PPP4R3A: variants seen among roughly 807,000 people sequenced by gnomAD.
PPP4R3A encodes serine/threonine-protein phosphatase 4 regulatory subunit 3A.
A neutral mutation model predicts 91.7 loss-of-function variants in PPP4R3A; 15 were observed. The observed-to-expected ratio is 0.16, with a 90% CI of 0.11 to 0.25. PPP4R3A has a LOEUF of 0.25. PPP4R3A is among the 10% of genes least tolerant of loss of function. PPP4R3A has a pLI of 1.00. For synonymous variants in PPP4R3A, 377 were observed against 348.7 expected (o/e 1.08, Z -0.91); for missense variants, 623 against 998.4 (o/e 0.62, Z 5.07).
At chr14:91,475,522 TA>T (rs1441852093) in intron 7 of PPP4R3A, 4 of 268,180 alleles carry the variant, frequency 1.5e-5, no homozygotes, top group Non-Finnish European at 2.9e-5. Context: ...ATTGATTGAC[TA>T]AATGATTTAA....
intron 10 of PPP4R3A, 136 bp from the exon 11 acceptor site, chr14:91,465,555 G>A (rs1364809308): frequency 1.9e-5 from 13 of 678,320 alleles, no homozygotes; most frequent in South Asian, 4.3e-5. Flanking sequence ...TTGCACTTCC[G>A]GAACTGTGAA....
At chr14:91,462,922 T>C (rs1400922627) in intron 11 of PPP4R3A, 45 bp from the exon 12 acceptor site, 3 of 1,471,178 alleles carry the variant, frequency 2.0e-6, no homozygotes, top group South Asian at 2.4e-5. Flanking sequence ...AAAATGTCAT[T>C]TTAGCAAGAT....
In PPP4R3A at chr14:91,491,687, G is replaced by A. The variant is rs148804774; in HGVS notation, c.143-885C>T. ...CCCAAAGTGCTGGGATTACAGGCGT[G>A]AGCCACCACGCCTGGCCTAGAAAAA... On this transcript the variant is annotated intron_variant, in intron 1 of 14. Transcript: ENST00000554943. 6.8e-4 allele frequency among the ~76,000 whole-genome samples: 103 copies of A among 152,248 alleles called. 2 individuals carry two copies. In the East Asian group the frequency reaches 0.016, roughly 24 times the overall value.
intron 7 of PPP4R3A, among the ~76,000 whole-genome samples, chr14:91,473,643 A>G (rs781723477): frequency 7.2e-5 from 11 of 152,242 alleles, no homozygotes; most frequent in Admixed American, 1.3e-4. Context: ...TGGTGATAAT[A>G]TATCTTTACA....
chr14:91,481,333 T>TA lies in PPP4R3A; in HGVS notation c.915+242dup, dbSNP rs560263137. 3.8e-4 allele frequency among the ~76,000 whole-genome samples: 58 copies of TA among 152,248 alleles called. 1 individual carries two copies. In the East Asian group the frequency reaches 0.01, roughly 26 times the overall value. ...GCCTGGGTGACAGAGCAAGACCCTG[T>TA]ATCCAAAAAATCATCCCCTCATACC... On this transcript the variant is annotated intron_variant, in intron 4 of 14. Coordinates refer to ENST00000554943, the MANE Select transcript of PPP4R3A (RefSeq NM_001366432.2).
intron 3 of PPP4R3A, among the ~76,000 whole-genome samples, chr14:91,484,674 G>A (rs191967668): frequency 2.6e-5 from 4 of 152,206 alleles, no homozygotes; most frequent in South Asian, 4.2e-4. Context: ...GTCTGGGGTC[G>A]GCGGGAGGGG....
At chr14:91,465,174 C>T in intron 11 of PPP4R3A, 76 bp downstream of exon 11, 1 of 1,146,978 alleles carries the variant, frequency 8.7e-7, no homozygotes, top group Non-Finnish European at 1.2e-6. Context: ...CATCTCAAGC[C>T]AAAATACTAG....
intron 1 of PPP4R3A, among the ~76,000 whole-genome samples, chr14:91,495,302 A>ATGTGTGTGTGTGTGTGTGTGTGTGTG (rs60663799): frequency 0.017 from 2,439 of 140,910 alleles, 42 homozygotes; most frequent in Non-Finnish European, 0.02. Context: ...CAGATACATA[A>ATGTGTGTGTGTGTGTGTGTGTGTGTG]TGTGTGTGTG....
intron 13 of PPP4R3A, 23 bp downstream of exon 13, chr14:91,462,026 T>C (rs1199724080): frequency 6.1e-6 from 9 of 1,482,398 alleles, no homozygotes; most frequent in Non-Finnish European, 8.1e-6. Flanking sequence ...TAATTTTCTC[T>C]TGCCCATTTT....
Position 91,482,106 on chromosome 14 carries a change from C to G in PPP4R3A, c.385G>C (p.Gly129Arg). 6.2e-7 allele frequency: 1 copy of G among 1,614,116 alleles called. No individual in the cohort carries two copies. The highest frequency in any genetic ancestry group is 8.5e-7 in the Non-Finnish European group (1 of 1,180,030). The change falls in exon 4 of 15, where the codon GGC becomes CGC. Residue 129 changes from glycine to arginine, a missense_variant. This residue lies in a region of PPP4R3A where 264 missense variants were observed against 377.3 expected (regional missense o/e 0.70). Coordinates refer to ENST00000554943, the MANE Select transcript of PPP4R3A (RefSeq NM_001366432.2). ...AATTCACAAGATGGCAATTCTAAGC[C>G]TGGCGATGACATATCATCAAAACGC... ...EERFDDMSSPGLELPSCELSR... is the reference protein window; with the variant it reads ...EERFDDMSSPRLELPSCELSR...
chr14:91,465,013 C>T (rs1347116694), intron 11 of PPP4R3A, among the ~76,000 whole-genome samples: 1 of 152,178 alleles, frequency 6.6e-6, no homozygotes, highest in East Asian at 1.9e-4. Flanking sequence ...CAGCCTGGTT[C>T]CTAACAGGCT....
chr14:91,480,445 T>C (rs1421716145), intron 4 of PPP4R3A, among the ~76,000 whole-genome samples: 4 of 152,182 alleles, frequency 2.6e-5, no homozygotes, highest in Non-Finnish European at 5.9e-5. Flanking sequence ...AACGTGGCTT[T>C]TGGTAGGGAT....
At chr14:91,484,029 C>G (rs1242919580) in intron 3 of PPP4R3A, among the ~76,000 whole-genome samples, 1 of 152,140 alleles carries the variant, frequency 6.6e-6, no homozygotes, top group Non-Finnish European at 1.5e-5. Flanking sequence ...ATAACAGATG[C>G]TATTAACATA....
At chr14:91,469,945 T>TA (rs397690711) in intron 10 of PPP4R3A, among the ~76,000 whole-genome samples, 8 of 151,630 alleles carry the variant, frequency 5.3e-5, no homozygotes, top group Middle Eastern at 3.4e-3. Flanking sequence ...TAAGGATTTT[T>TA]AAAAAATCAA....
rs556871733 is a variant in PPP4R3A at position 91,496,163 on chromosome 14, T to C, written c.143-5361A>G. ...GGCTAGCAGTTTTCTCTGGGTAGGA[T>C]AGTGACTGGGGAGGAACCTGAAGTA... is the stretch of plus-strand genomic sequence containing the variant. On this transcript the variant is annotated intron_variant, in intron 1 of 14. Transcript: ENST00000554943. Among the ~76,000 whole-genome samples the C allele has an allele frequency of 7.9e-5, 12 of 152,318 alleles. No individual in the cohort carries two copies. The South Asian group carries it at 2.3e-3, about 29-fold the overall frequency.
At chr14:91,475,654 A>G in intron 7 of PPP4R3A, 157 bp downstream of exon 7, 1 of 612,526 alleles carries the variant, frequency 1.6e-6, no homozygotes, top group Non-Finnish European at 2.7e-6. Context: ...ACAAATTGAT[A>G]AACTGAGACA....
rs1891646560 is a variant in PPP4R3A, at chr14:91,509,548, G to T, written c.100C>A (p.Arg34=). The T allele has an allele frequency of 6.3e-7, 1 of 1,599,944 alleles. No individual in the cohort carries two copies. Among genetic ancestry groups the T allele is most frequent in the Non-Finnish European group, 8.5e-7 (1 of 1,177,834 alleles). The change falls in exon 1 of 15, where the codon CGG becomes AGG. Residue 34 remains arginine (R), a synonymous_variant. Transcript: ENST00000554943. ...TGHVSSGYVE[R]LKGMSLLVRA... Reference sequence around the variant, plus strand: ...ACAAGCAGGGACATGCCCTTCAGCCGCTCCACGTAGCCAGACGACACATGC... The same window carrying T: ...ACAAGCAGGGACATGCCCTTCAGCCTCTCCACGTAGCCAGACGACACATGC...
At chr14:91,475,715 T>A in intron 7 of PPP4R3A, 96 bp downstream of exon 7, 2 of 1,260,150 alleles carry the variant, frequency 1.6e-6, no homozygotes, top group Non-Finnish European at 2.2e-6. Flanking sequence ...GCTACACTTT[T>A]CCCAAACAGC....
intron 1 of PPP4R3A, among the ~76,000 whole-genome samples, chr14:91,509,041 C>CA (rs1424710237): frequency 6.6e-6 from 1 of 152,008 alleles, no homozygotes; most frequent in South Asian, 2.1e-4. Flanking sequence ...AAAAGAAAAA[C>CA]AAAAAAAGCA....
Sources: gnomAD v4.1 joint callset for allele counts (sites outside exome capture counted in the v4.1 genomes callset) on GRCh38, gnomAD v4.1.1 for gene constraint, gnomAD v4.1.1 regional missense constraint, MANE v1.5 for transcripts, NCBI Gene and HGNC (gene_info 2026-07-23, HGNC 2026-07-21) for gene names.